ZNF469: variants seen among roughly 807,000 people sequenced by gnomAD.
The protein encoded by ZNF469 is zinc finger protein 469.
In ZNF469, 1 loss-of-function variant was observed where a neutral mutation model predicts 1.0. That is an observed-to-expected ratio of 1.00 (90% CI 0.35 to 4.73). The LOEUF (loss-of-function observed/expected upper bound fraction) is 4.73, where lower values mean the gene tolerates loss of function less well. ZNF469 is among the 30% of genes most tolerant of loss of function. The pLI is 0.16. For synonymous variants in ZNF469, 2,703 were observed against 2,363.4 expected (o/e 1.14, Z -4.17); for missense variants, 6,100 against 5,356.3 (o/e 1.14, Z -4.33).
At chr16:88,376,270 G>T in the ZNF469 span, among the ~76,000 whole-genome samples, 1 of 152,250 alleles carries the variant, frequency 6.6e-6, no homozygotes, top group African/African-American at 2.4e-5. Flanking sequence ...ATGTAAATGC[G>T]TAGTTGTCCC....
the ZNF469 span, among the ~76,000 whole-genome samples, chr16:88,185,783 C>G: frequency 6.6e-6 from 1 of 151,544 alleles, no homozygotes; most frequent in Non-Finnish European, 1.5e-5. Flanking sequence ...CACACTCACA[C>G]ATGTGAATAT....
At chr16:88,244,187 G>A in the ZNF469 span, among the ~76,000 whole-genome samples, 3 of 148,642 alleles carry the variant, frequency 2.0e-5, no homozygotes, top group Admixed American at 2.0e-4. Flanking sequence ...GTGGGTAGGT[G>A]GATGGATGGG....
the ZNF469 span, among the ~76,000 whole-genome samples, chr16:88,331,192 C>A: frequency 6.8e-6 from 1 of 146,688 alleles, no homozygotes; most frequent in African/African-American, 2.6e-5. Flanking sequence ...ACCGTCGTCA[C>A]CATCACCACC....
At chr16:88,306,016 C>A in the ZNF469 span, among the ~76,000 whole-genome samples, 1 of 152,210 alleles carries the variant, frequency 6.6e-6, no homozygotes, top group African/African-American at 2.4e-5. Flanking sequence ...TGCAGCCATA[C>A]ACATGTGGGT....
the ZNF469 span, among the ~76,000 whole-genome samples, chr16:88,270,498 C>T: frequency 1.8e-4 from 28 of 152,212 alleles, no homozygotes; most frequent in Admixed American, 1.8e-3. Flanking sequence ...CTGCTCAGGG[C>T]CTGCTTATCA....
At chr16:88,234,423 C>T in the ZNF469 span, among the ~76,000 whole-genome samples, 2 of 152,332 alleles carry the variant, frequency 1.3e-5, no homozygotes, top group Admixed American at 6.5e-5. Flanking sequence ...TAGCTCAGAA[C>T]GGTACAAAGA....
At chr16:88,411,676 C>T (rs1318429043) in intron 1 of ZNF469, among the ~76,000 whole-genome samples, 3 of 152,088 alleles carry the variant, frequency 2.0e-5, no homozygotes, top group African/African-American at 4.8e-5. Flanking sequence ...CAGGAGACGG[C>T]GGTGGCCTGA....
At chr16:88,351,719 G>A in the ZNF469 span, among the ~76,000 whole-genome samples, 1 of 149,850 alleles carries the variant, frequency 6.7e-6, no homozygotes, top group Non-Finnish European at 1.5e-5. Flanking sequence ...GCAGGCCCCA[G>A]CCGGAGCTCC....
the ZNF469 span, among the ~76,000 whole-genome samples, chr16:88,118,165 AC>A: frequency 6.6e-6 from 1 of 151,674 alleles, no homozygotes; most frequent in Non-Finnish European, 1.5e-5. Context: ...CTGCTCTCAA[AC>A]TCCTGACCTC....
At chr16:88,287,492 A>G in the ZNF469 span, among the ~76,000 whole-genome samples, 200 of 152,354 alleles carry the variant, frequency 1.3e-3, no homozygotes, top group African/African-American at 4.5e-3. Context: ...AAGTCTCCCC[A>G]CCTTGTAGCA....
chr16:88,276,919 A>G, the ZNF469 span, among the ~76,000 whole-genome samples: 6 of 148,626 alleles, frequency 4.0e-5, no homozygotes, highest in African/African-American at 1.5e-4. Flanking sequence ...TGCCACACTT[A>G]TGCTCAGTCA....
chr16:88,390,240 G>A (rs1269352340), intron 1 of ZNF469, among the ~76,000 whole-genome samples: 1 of 152,176 alleles, frequency 6.6e-6, no homozygotes, highest in Non-Finnish European at 1.5e-5. Context: ...GGGCCCAGCG[G>A]GTCCTGGGAT....
At chr16:88,107,711 C>T in the ZNF469 span, among the ~76,000 whole-genome samples, 1 of 152,208 alleles carries the variant, frequency 6.6e-6, no homozygotes, top group East Asian at 1.9e-4. Flanking sequence ...AGGCAATGGC[C>T]CTGGGACATA....
chr16:88,301,047 A>G, the ZNF469 span, among the ~76,000 whole-genome samples: 1 of 152,164 alleles, frequency 6.6e-6, no homozygotes, highest in East Asian at 1.9e-4. Flanking sequence ...CCTGGGCAAC[A>G]GAGCGAGACT....
chr16:88,253,531 T>TTTG, the ZNF469 span, among the ~76,000 whole-genome samples: 43 of 151,180 alleles, frequency 2.8e-4, no homozygotes, highest in African/African-American at 1.0e-3. Flanking sequence ...TTGTCCATTT[T>TTTG]TTGTTGTTGT....
chr16:88,357,762 C>T, the ZNF469 span, among the ~76,000 whole-genome samples: 1 of 152,230 alleles, frequency 6.6e-6, no homozygotes, highest in African/African-American at 2.4e-5. Flanking sequence ...TTTTGTTGCC[C>T]ATGCAATGCA....
the ZNF469 span, among the ~76,000 whole-genome samples, chr16:88,357,047 C>T: frequency 1.3e-5 from 2 of 152,368 alleles, no homozygotes; most frequent in Admixed American, 6.5e-5. Flanking sequence ...GCCCCGGTTA[C>T]GGGTCCCCTC....
intron 1 of ZNF469, among the ~76,000 whole-genome samples, chr16:88,388,198 T>TTTG: frequency 6.6e-6 from 1 of 152,234 alleles, no homozygotes; most frequent in African/African-American, 2.4e-5. Flanking sequence ...CCGAGGGAGC[T>TTTG]GTGCCCAGGG....
the ZNF469 span, among the ~76,000 whole-genome samples, chr16:88,111,653 G>C: frequency 6.6e-6 from 1 of 152,114 alleles, no homozygotes; most frequent in Non-Finnish European, 1.5e-5. Flanking sequence ...TTGTTTGTTT[G>C]TTGAGATGGA....
Sources: gnomAD v4.1 joint callset for allele counts (sites outside exome capture counted in the v4.1 genomes callset) on GRCh38, gnomAD v4.1.1 for gene constraint, MANE v1.5 for transcripts, NCBI Gene and HGNC (gene_info 2026-07-23, HGNC 2026-07-21) for gene names.